Variants in RASGRP3 observed in about 807,000 individuals in gnomAD.
RASGRP3 encodes the protein RAS guanyl releasing protein 3, also known as ras guanyl-releasing protein 3.
RASGRP3 carries 54 observed loss-of-function variants against 82.7 expected under a neutral mutation model. That is an observed-to-expected ratio of 0.65 (90% CI 0.52 to 0.82). RASGRP3 has a LOEUF of 0.82. Ranked by LOEUF, RASGRP3 falls within the 40% of genes least tolerant of loss-of-function variation. The pLI is 0.00. For missense variants in RASGRP3, 861 were observed against 828.9 expected (o/e 1.04, Z -0.48); for synonymous variants, 309 against 300.5 (o/e 1.03, Z -0.29).
At chr2:33,450,131 G>C (rs1207673533) in intron 2 of RASGRP3, among the ~76,000 whole-genome samples, 1 of 152,042 alleles carries the variant, frequency 6.6e-6, no homozygotes, top group Non-Finnish European at 1.5e-5. Flanking sequence ...AACTAAAATT[G>C]TATATATTTA....
chr2:33,547,388 A>G (rs1674902218), intron 13 of RASGRP3, among the ~76,000 whole-genome samples: 1 of 119,682 alleles, frequency 8.4e-6, no homozygotes, highest in South Asian at 2.8e-4. Context: ...TACGCAAAAT[A>G]ACTTTAATAA....
At chr2:33,518,798 G>T (rs1671705910) in intron 4 of RASGRP3, among the ~76,000 whole-genome samples, 1 of 152,030 alleles carries the variant, frequency 6.6e-6, no homozygotes, top group African/African-American at 2.4e-5. Flanking sequence ...ACAGGCTCAG[G>T]ATCATCAATA....
At chr2:33,454,566 T>G (rs1665947772) in intron 2 of RASGRP3, among the ~76,000 whole-genome samples, 1 of 152,246 alleles carries the variant, frequency 6.6e-6, no homozygotes, top group Admixed American at 6.5e-5. Flanking sequence ...ACACACATTA[T>G]CTACCTTTGT....
chr2:33,495,566 A>G (rs1160491457), intron 1 of RASGRP3, among the ~76,000 whole-genome samples: 1 of 152,028 alleles, frequency 6.6e-6, no homozygotes, highest in Non-Finnish European at 1.5e-5. Flanking sequence ...AAGATATTAT[A>G]ATGATGTAAT....
chr2:33,441,255 T>G (rs1453282930), intron 1 of RASGRP3, among the ~76,000 whole-genome samples: 1 of 152,016 alleles, frequency 6.6e-6, no homozygotes, highest in African/African-American at 2.4e-5. Flanking sequence ...CCATTTCCCT[T>G]TCCCCCCTCC....
chr2:33,448,677 G>A (rs1007696869), intron 2 of RASGRP3, among the ~76,000 whole-genome samples: 1 of 152,106 alleles, frequency 6.6e-6, no homozygotes, highest in African/African-American at 2.4e-5. Context: ...GGAGAATAGA[G>A]AGTTATTTCT....
At chr2:33,530,456 C>G (rs1347856119) in intron 10 of RASGRP3, among the ~76,000 whole-genome samples, 3 of 151,386 alleles carry the variant, frequency 2.0e-5, no homozygotes, top group African/African-American at 7.3e-5. Context: ...TGCAATGCAG[C>G]CTGGGCAGGG....
intron 2 of RASGRP3, among the ~76,000 whole-genome samples, chr2:33,514,521 A>AAAAAC (rs1671247881): frequency 6.7e-6 from 1 of 148,802 alleles, no homozygotes; most frequent in African/African-American, 2.5e-5. Context: ...AAAAAAAAAA[A>AAAAAC]AAAAAACCCA....
intron 1 of RASGRP3, among the ~76,000 whole-genome samples, chr2:33,488,038 T>C (rs1252988991): frequency 6.6e-6 from 1 of 152,246 alleles, no homozygotes; most frequent in Non-Finnish European, 1.5e-5. Context: ...AACTTATACA[T>C]TTATTTTCTC....
At chr2:33,464,397 G>T (rs1666564924) in intron 2 of RASGRP3, among the ~76,000 whole-genome samples, 1 of 150,802 alleles carries the variant, frequency 6.6e-6, no homozygotes, top group Non-Finnish European at 1.5e-5. Context: ...TGGGATTACA[G>T]GTGTGAACCA....
intron 1 of RASGRP3, among the ~76,000 whole-genome samples, chr2:33,500,266 A>C (rs1294408835): frequency 6.6e-6 from 1 of 152,200 alleles, no homozygotes. Context: ...ATGTAAGACC[A>C]CAGGGAACTG....
chr2:33,524,434 G>A lies in RASGRP3; in HGVS notation c.693G>A (p.Lys231=), dbSNP rs1184940059. 1 of 1,576,622 alleles carries A rather than the reference G, an allele frequency of 6.3e-7. No homozygotes were observed. Among genetic ancestry groups the A allele is most frequent in the Admixed American group, 1.8e-5 (1 of 54,532 alleles). The change falls in exon 9 of 18, where the codon AAG becomes AAA. Residue 231 remains lysine, a splice_region_variant and synonymous_variant. Transcript: ENST00000403687. ...VITKFINVAK[K]LLQLKNFNTL... is the part of the protein sequence containing the mutation. ...GCATTGATGCATTTTTATTGCAGAAGCTCCTTCAGCTCAAAAATTTTAACA... is the reference window on the plus strand; with the variant it reads ...GCATTGATGCATTTTTATTGCAGAAACTCCTTCAGCTCAAAAATTTTAACA...
At position 33,522,042 on chromosome 2, in the gene RASGRP3, G is replaced by A. The variant is rs765365521; in HGVS notation, c.456G>A (p.Glu152=). The part of the protein sequence containing the change: ...GKACLLFDHL[E]PIELAEHLTF... Reference sequence around the variant, plus strand: ...CCTGTCTGCTGTTTGACCATCTGGAGCCCATTGAATTGGCTGAGCACCTCA... The same window carrying A: ...CCTGTCTGCTGTTTGACCATCTGGAACCCATTGAATTGGCTGAGCACCTCA... Residue 152 remains glutamate (E), a synonymous_variant, in exon 7 of 18, where the codon GAG becomes GAA. Coordinates refer to ENST00000403687, the MANE Select transcript of RASGRP3 (RefSeq NM_001139488.2). 1.9e-6 allele frequency: 3 copies of A among 1,613,898 alleles called. No individual in the cohort carries two copies. The highest frequency in any genetic ancestry group is 1.6e-4 in the Middle Eastern group (1 of 6,062).
chr2:33,503,526 G>A (rs185289689), intron 1 of RASGRP3, among the ~76,000 whole-genome samples: 2 of 152,084 alleles, frequency 1.3e-5, no homozygotes, highest in African/African-American at 2.4e-5. Context: ...ATTAAGTGGA[G>A]CCTTCTAATT....
intron 14 of RASGRP3, among the ~76,000 whole-genome samples, chr2:33,554,267 C>T (rs59544294): frequency 0.05 from 7,665 of 152,134 alleles, 476 homozygotes; most frequent in East Asian, 0.27. Context: ...ACATTGTGAA[C>T]GGCACCCCCA....
intron 10 of RASGRP3, among the ~76,000 whole-genome samples, chr2:33,529,115 G>C (rs544047094): frequency 1.3e-5 from 2 of 152,230 alleles, no homozygotes; most frequent in South Asian, 4.1e-4. Flanking sequence ...TAATGGGGTA[G>C]GGAAATTAAT....
At position 33,539,362 on chromosome 2, in the gene RASGRP3, T is replaced by C. The variant is rs189908923; in HGVS notation, c.1278+152T>C. ...AGCAGGCACTTAGTCCTACCAGGCA[T>C]TGGGTCCTGGGGAGAGTCGATCAGA... On this transcript the variant is annotated intron_variant, in intron 12 of 17. Coordinates refer to ENST00000403687, the MANE Select transcript of RASGRP3 (RefSeq NM_001139488.2). 9 of 634,380 alleles carry C rather than the reference T, an allele frequency of 1.4e-5. No homozygotes were observed. In the African/African-American group the frequency reaches 1.7e-4, roughly 12 times the overall value. The allele number at this position is 634,380 out of a possible 1,614,324, so 39.3% of individuals were successfully genotyped here.
chr2:33,478,722 G>A (rs760173516), intron 1 of RASGRP3, among the ~76,000 whole-genome samples: 1 of 152,168 alleles, frequency 6.6e-6, no homozygotes, highest in African/African-American at 2.4e-5. Flanking sequence ...TAACTCTTTC[G>A]TATCAAAGAT....
intron 1 of RASGRP3, among the ~76,000 whole-genome samples, chr2:33,495,887 G>C (rs1240807196): frequency 6.6e-6 from 1 of 152,200 alleles, no homozygotes; most frequent in Non-Finnish European, 1.5e-5. Context: ...GGACTTTGGG[G>C]AACTGGGAGT....
Sources: allele counts gnomAD v4.1 joint callset (sites outside exome capture counted in the v4.1 genomes callset), GRCh38; gene constraint gnomAD v4.1.1; transcripts MANE v1.5; gene names NCBI Gene and HGNC (gene_info 2026-07-23, HGNC 2026-07-21).